CNTN6: variants seen among roughly 807,000 people sequenced by gnomAD.
CNTN6 encodes the protein contactin 6, also known as contactin-6.
Under a neutral mutation model 122.8 loss-of-function variants are expected in CNTN6, and 137 were observed. The ratio of observed to expected loss-of-function variants is 1.12; its 90% CI spans 0.97 to 1.29. The LOEUF (loss-of-function observed/expected upper bound fraction) is 1.29, where lower values mean the gene tolerates loss of function less well. Among genes scored for constraint, CNTN6 ranks in the 50% most tolerant of loss-of-function variants. CNTN6 has a pLI of 0.00. For missense variants in CNTN6, 1,634 were observed against 1,223.4 expected (o/e 1.34, Z -5.01); for synonymous variants, 570 against 426.0 (o/e 1.34, Z -4.16).
At chr3:1,148,170 A>G in intron 2 of CNTN6, 107 bp downstream of exon 2, 2 of 813,528 alleles carry the variant, frequency 2.5e-6, no homozygotes, top group East Asian at 2.6e-5. Flanking sequence ...TGTTATTTGA[A>G]TGACTAAGTG....
chr3:1,158,613 C>G (rs1322983841), intron 2 of CNTN6, among the ~76,000 whole-genome samples: 1 of 151,460 alleles, frequency 6.6e-6, no homozygotes, highest in Non-Finnish European at 1.5e-5. Flanking sequence ...TCCTCTGTCA[C>G]TCAGGCTGGA....
intron 4 of CNTN6, among the ~76,000 whole-genome samples, chr3:1,249,355 T>A (rs2094626972): frequency 6.6e-6 from 1 of 152,126 alleles, no homozygotes; most frequent in African/African-American, 2.4e-5. Context: ...GTAAGTAAAA[T>A]AAGGTCTATT....
intron 14 of CNTN6, 123 bp from the exon 15 acceptor site, chr3:1,373,481 T>G: frequency 1.2e-6 from 1 of 841,060 alleles, no homozygotes; most frequent in Non-Finnish European, 1.8e-6. Context: ...AATAATGTGC[T>G]ATAAATACAT....
chr3:1,243,139 T>C (rs1382900557), intron 4 of CNTN6, among the ~76,000 whole-genome samples: 2 of 152,054 alleles, frequency 1.3e-5, no homozygotes, highest in African/African-American at 4.8e-5. Flanking sequence ...TTCCAGGGGC[T>C]CTGGGAGTGG....
chr3:1,220,119 G>C (rs966433182), intron 2 of CNTN6, among the ~76,000 whole-genome samples: 4 of 152,272 alleles, frequency 2.6e-5, no homozygotes, highest in African/African-American at 4.8e-5. Context: ...ACTTTGGGAG[G>C]CTGAGGTGGG....
At chr3:1,178,475 GTC>G (rs1019561785) in intron 2 of CNTN6, among the ~76,000 whole-genome samples, 5 of 152,040 alleles carry the variant, frequency 3.3e-5, no homozygotes, top group Admixed American at 2.0e-4. Context: ...GATGCATATT[GTC>G]TGTGTTTTCC....
chr3:1,229,719 A>C (rs909080047), intron 4 of CNTN6, among the ~76,000 whole-genome samples: 1 of 152,170 alleles, frequency 6.6e-6, no homozygotes, highest in African/African-American at 2.4e-5. Context: ...CTCAATTAAG[A>C]AGAAATTATA....
chr3:1,307,624 C>T (rs1698570830), intron 7 of CNTN6, among the ~76,000 whole-genome samples: 1 of 151,970 alleles, frequency 6.6e-6, no homozygotes, highest in Non-Finnish European at 1.5e-5. Context: ...TCCAAGATTC[C>T]ATCCAGAATA....
intron 4 of CNTN6, among the ~76,000 whole-genome samples, chr3:1,240,512 C>T (rs549653661): frequency 1.3e-5 from 2 of 151,790 alleles, no homozygotes; most frequent in African/African-American, 2.4e-5. Context: ...TAATCAAAAA[C>T]TCAAAAAATA....
intron 17 of CNTN6, among the ~76,000 whole-genome samples, chr3:1,378,313 G>A (rs370888308): frequency 1.2e-4 from 18 of 152,212 alleles, no homozygotes; most frequent in Non-Finnish European, 2.1e-4. Context: ...ATGAACCTGC[G>A]TCCCTTATGT....
chr3:1,330,535 T>A (rs900578915), intron 11 of CNTN6, among the ~76,000 whole-genome samples: 4 of 151,950 alleles, frequency 2.6e-5, no homozygotes, highest in Non-Finnish European at 5.9e-5. Flanking sequence ...TATCTTTTAT[T>A]CTATTGTACC....
intron 1 of CNTN6, among the ~76,000 whole-genome samples, chr3:1,129,834 A>T (rs1321386072): frequency 6.6e-6 from 1 of 151,736 alleles, no homozygotes; most frequent in African/African-American, 2.4e-5. Flanking sequence ...TTCACGTCTC[A>T]AGTCATGCTT....
At chr3:1,372,741 A>G in intron 13 of CNTN6, 97 bp from the exon 14 acceptor site, 1 of 762,554 alleles carries the variant, frequency 1.3e-6, no homozygotes, top group Non-Finnish European at 2.1e-6. Context: ...TTAATTTCAG[A>G]GTTGTTTTAT....
chr3:1,158,969 C>CACACATATATATATATATATATAT lies in CNTN6; in HGVS notation c.55+10907_55+10908insCACATATATATATATATATATATA, dbSNP rs1553610778. Among the ~76,000 whole-genome samples the CACACATATATATATATATATATAT allele has an allele frequency of 3.4e-4, 38 of 112,882 alleles. 1 individual carries two copies. Among genetic ancestry groups the CACACATATATATATATATATATAT allele is most frequent in the Admixed American group, 1.0e-3 (12 of 11,556 alleles). 74.1% of individuals were successfully genotyped at this position (112,882 alleles called of 152,430 possible). ...ATATATATATACACACACACACACACATATATATATATATAGACAAGGTCT... is the reference window on the plus strand; with the variant it reads ...ATATATATATACACACACACACACACACACATATATATATATATATATATATATATATATATATAGACAAGGTCT... On this transcript the variant is annotated intron_variant, in intron 2 of 22. Coordinates refer to ENST00000446702, the MANE Select transcript of CNTN6 (RefSeq NM_001289080.2).
At chr3:1,271,603 G>A (rs985499913) in intron 4 of CNTN6, among the ~76,000 whole-genome samples, 2 of 152,158 alleles carry the variant, frequency 1.3e-5, no homozygotes, top group African/African-American at 2.4e-5. Context: ...GATACAGGGA[G>A]AGATGTAAGG....
At chr3:1,207,759 T>G (rs1439182381) in intron 2 of CNTN6, among the ~76,000 whole-genome samples, 1 of 152,078 alleles carries the variant, frequency 6.6e-6, no homozygotes, top group Non-Finnish European at 1.5e-5. Context: ...TTCTCGCACA[T>G]AGTAATCCCA....
chr3:1,285,182 C>T (rs910218744), intron 5 of CNTN6, among the ~76,000 whole-genome samples: 1 of 152,080 alleles, frequency 6.6e-6, no homozygotes, highest in Non-Finnish European at 1.5e-5. Flanking sequence ...AATTACCAGT[C>T]TTCAGTATGT....
intron 4 of CNTN6, among the ~76,000 whole-genome samples, chr3:1,260,151 A>G (rs2094821643): frequency 6.6e-6 from 1 of 152,150 alleles, no homozygotes; most frequent in African/African-American, 2.4e-5. Context: ...TAGAAAGACA[A>G]CCTCTTGAAT....
chr3:1,235,378 A>C (rs1397634418), intron 4 of CNTN6, among the ~76,000 whole-genome samples: 2 of 152,006 alleles, frequency 1.3e-5, no homozygotes, highest in Non-Finnish European at 2.9e-5. Context: ...TAAGATTTAT[A>C]AAATTGGTTC....
Sources: allele counts gnomAD v4.1 joint callset (sites outside exome capture counted in the v4.1 genomes callset), GRCh38; gene constraint gnomAD v4.1.1; transcripts MANE v1.5; gene names NCBI Gene and HGNC (gene_info 2026-07-23, HGNC 2026-07-21).